Variants in CTNNBL1 observed in about 807,000 individuals in gnomAD.
The protein encoded by CTNNBL1 is catenin beta like 1, also known as beta-catenin-like protein 1.
In CTNNBL1, 31 loss-of-function variants were observed where a neutral mutation model predicts 72.7. That is an observed-to-expected ratio of 0.43 (90% CI 0.32 to 0.58). The LOEUF is 0.58. Among genes scored for constraint, CTNNBL1 ranks in the 20% least tolerant of loss-of-function variants. The pLI is 0.08. For missense variants in CTNNBL1, 534 were observed against 725.1 expected (o/e 0.74, Z 3.03); for synonymous variants, 240 against 267.3 (o/e 0.90, Z 1.00).
chr20:37,823,165 TG>T (rs2072125124), intron 11 of CTNNBL1, among the ~76,000 whole-genome samples: 1 of 152,244 alleles, frequency 6.6e-6, no homozygotes, highest in African/African-American at 2.4e-5. Context: ...TGTTAGAATG[TG>T]GTCCTGAAGC....
At chr20:37,780,328 A>G (rs1210532812) in intron 10 of CTNNBL1, among the ~76,000 whole-genome samples, 1 of 152,180 alleles carries the variant, frequency 6.6e-6, no homozygotes, top group Non-Finnish European at 1.5e-5. Context: ...CTATTAAAAC[A>G]TTGACAAGGT....
intron 11 of CTNNBL1, among the ~76,000 whole-genome samples, chr20:37,834,320 T>G (rs2072236990): frequency 6.6e-6 from 1 of 150,614 alleles, no homozygotes; most frequent in African/African-American, 2.4e-5. Flanking sequence ...AAAGGGAAAA[T>G]TATTGAGAAG....
At chr20:37,804,866 G>A (rs183879810) in intron 11 of CTNNBL1, among the ~76,000 whole-genome samples, 3 of 152,218 alleles carry the variant, frequency 2.0e-5, no homozygotes, top group Admixed American at 6.5e-5. Context: ...TAGAGTAACC[G>A]CATTAGGCAT....
chr20:37,842,026 A>G (rs2072308016), intron 12 of CTNNBL1, among the ~76,000 whole-genome samples: 1 of 152,222 alleles, frequency 6.6e-6, no homozygotes, highest in Non-Finnish European at 1.5e-5. Flanking sequence ...AGGGACTTGA[A>G]TTTTTATCTA....
At chr20:37,761,756 A>T (rs1177209255) in intron 5 of CTNNBL1, among the ~76,000 whole-genome samples, 1 of 152,230 alleles carries the variant, frequency 6.6e-6, no homozygotes, top group Admixed American at 6.5e-5. Context: ...AAATAGAGTG[A>T]TGTGATGTAG....
intron 10 of CTNNBL1, among the ~76,000 whole-genome samples, chr20:37,795,496 AT>A (rs2073765426): frequency 6.6e-6 from 1 of 151,880 alleles, no homozygotes; most frequent in African/African-American, 2.4e-5. Context: ...GCTATTTGAA[AT>A]TTTCCAACCA....
At position 37,737,470 on chromosome 20, in the gene CTNNBL1, A is replaced by G. The variant is rs1329603414; in HGVS notation, c.312A>G (p.Pro104=). ...ACCAAGAATTGCGGATTAAGTTTCCAGACAATCCAGAGAAGTAAGGTTCTG... is the reference window on the plus strand; with the variant it reads ...ACCAAGAATTGCGGATTAAGTTTCCGGACAATCCAGAGAAGTAAGGTTCTG... ...YKNQELRIKF[P]DNPEKFMESE... Residue 104 remains proline, a synonymous_variant, in exon 3 of 16, where the codon CCA becomes CCG. Coordinates refer to ENST00000361383, the MANE Select transcript of CTNNBL1 (RefSeq NM_030877.5). The G allele has an allele frequency of 6.2e-7, 1 of 1,608,210 alleles. No individual in the cohort carries two copies. The highest frequency in any genetic ancestry group is 1.1e-5 in the South Asian group (1 of 90,854).
chr20:37,853,666 T>C (rs1034571817), intron 13 of CTNNBL1, among the ~76,000 whole-genome samples: 1 of 152,242 alleles, frequency 6.6e-6, no homozygotes, highest in Admixed American at 6.5e-5. Flanking sequence ...TGGAGTAAGA[T>C]GGGCAGAGAA....
chr20:37,821,707 G>A (rs2072109780), intron 11 of CTNNBL1, among the ~76,000 whole-genome samples: 1 of 152,202 alleles, frequency 6.6e-6, no homozygotes, highest in African/African-American at 2.4e-5. Context: ...GCTGTATACT[G>A]TTAGATGCCA....
chr20:37,697,911 C>T (rs958111522), intron 1 of CTNNBL1, among the ~76,000 whole-genome samples: 8 of 152,156 alleles, frequency 5.3e-5, no homozygotes, highest in African/African-American at 1.9e-4. Context: ...AGCTTTGCTT[C>T]GTGATCATAA....
intron 1 of CTNNBL1, among the ~76,000 whole-genome samples, chr20:37,710,571 C>A (rs146958915): frequency 2.0e-5 from 3 of 152,152 alleles, no homozygotes; most frequent in African/African-American, 7.2e-5. Context: ...TTTGCCCCCC[C>A]CACTGCCATC....
intron 13 of CTNNBL1, among the ~76,000 whole-genome samples, chr20:37,850,802 G>A (rs8124827): frequency 0.82 from 124,145 of 152,124 alleles, 50,708 homozygotes; most frequent in Middle Eastern, 0.89. Flanking sequence ...CTGGAGACCC[G>A]AGTGGAGGCT....
At chr20:37,722,106 A>G (rs1383085300) in intron 1 of CTNNBL1, among the ~76,000 whole-genome samples, 1 of 152,022 alleles carries the variant, frequency 6.6e-6, no homozygotes, top group Non-Finnish European at 1.5e-5. Context: ...GCTACTTTTT[A>G]TATGCTTATG....
At chr20:37,853,132 C>G (rs1297031727) in intron 13 of CTNNBL1, among the ~76,000 whole-genome samples, 1 of 152,058 alleles carries the variant, frequency 6.6e-6, no homozygotes, top group Non-Finnish European at 1.5e-5. Context: ...TAGTTCAGTC[C>G]CCATGTGCTA....
At chr20:37,772,044 G>A (rs2073529753) in intron 7 of CTNNBL1, among the ~76,000 whole-genome samples, 1 of 152,188 alleles carries the variant, frequency 6.6e-6, no homozygotes, top group Admixed American at 6.5e-5. Context: ...CCGTAACTGT[G>A]TGATGCTCGC....
At position 37,824,204 on chromosome 20, in the gene CTNNBL1, T is replaced by C. The variant is rs189328040; in HGVS notation, c.1214-15898T>C. The stretch of plus-strand genomic sequence containing the variant: ...GCTCAGAAGCCAGCCTCATAGCACT[T>C]CTTCAGCATACTGCCATTACAAGGA... On this transcript the variant is annotated intron_variant, in intron 11 of 15. Coordinates refer to ENST00000361383, the MANE Select transcript of CTNNBL1 (RefSeq NM_030877.5). Among the ~76,000 whole-genome samples the C allele has an allele frequency of 9.3e-4, 141 of 152,344 alleles. 1 individual carries two copies. Among genetic ancestry groups the C allele is most frequent in the Non-Finnish European group, 7.1e-4 (48 of 68,022 alleles).
intron 15 of CTNNBL1, among the ~76,000 whole-genome samples, chr20:37,870,757 C>T (rs1192951958): frequency 6.6e-6 from 1 of 152,194 alleles, no homozygotes; most frequent in Non-Finnish European, 1.5e-5. Context: ...GGCCACAGCC[C>T]TTACCGTGGT....
chr20:37,825,390 T>G (rs1186335803), intron 11 of CTNNBL1, among the ~76,000 whole-genome samples: 1 of 150,500 alleles, frequency 6.6e-6, no homozygotes, highest in African/African-American at 2.4e-5. Context: ...AAAGAGAAAC[T>G]GAGGCCGGGC....
intron 9 of CTNNBL1, among the ~76,000 whole-genome samples, chr20:37,778,385 A>G (rs556551541): frequency 2.8e-4 from 43 of 152,314 alleles, no homozygotes; most frequent in Non-Finnish European, 5.3e-4. Context: ...CAGTTTGCAT[A>G]CAGCTTCCAT....
Sources: gnomAD v4.1 joint callset for allele counts (sites outside exome capture counted in the v4.1 genomes callset) on GRCh38, gnomAD v4.1.1 for gene constraint, MANE v1.5 for transcripts, NCBI Gene and HGNC (gene_info 2026-07-23, HGNC 2026-07-21) for gene names.